ERC2: variants seen among roughly 807,000 people sequenced by gnomAD.
ERC2 encodes the protein ERC protein 2.
Under a neutral mutation model 114.8 loss-of-function variants are expected in ERC2, and 42 were observed. That is an observed-to-expected ratio of 0.37 (90% CI 0.29 to 0.47). The LOEUF (loss-of-function observed/expected upper bound fraction) is 0.47. Ranked by LOEUF, ERC2 falls within the 20% of genes least tolerant of loss-of-function variation. The pLI, the probability that ERC2 is intolerant of heterozygous loss-of-function variation, is 0.99. For synonymous variants in ERC2, 454 were observed against 425.5 expected, an observed-to-expected ratio of 1.07 and a Z score of -0.82; for missense variants, 939 against 1,150.7, an observed-to-expected ratio of 0.82 and a Z score of 2.66.
intron 2 of ERC2, among the ~76,000 whole-genome samples, chr3:56,381,762 AG>A (rs5849151): frequency 8.0e-5 from 12 of 150,092 alleles, no homozygotes; most frequent in South Asian, 4.4e-4. Flanking sequence ...AAAGAAAAAA[AG>A]GGGGGGGTGG....
chr3:56,255,683 G>C (rs996651047), intron 3 of ERC2, among the ~76,000 whole-genome samples: 1 of 152,106 alleles, frequency 6.6e-6, no homozygotes, highest in Non-Finnish European at 1.5e-5. Flanking sequence ...CTCTACTCAG[G>C]CACCCATCTG....
intron 7 of ERC2, among the ~76,000 whole-genome samples, chr3:56,041,661 T>G (rs1348250217): frequency 6.6e-6 from 1 of 152,132 alleles, no homozygotes; most frequent in Non-Finnish European, 1.5e-5. Flanking sequence ...CAATTCTTGC[T>G]GGCAATTCAG....
chr3:56,111,401 C>T (rs2078959366), intron 6 of ERC2, among the ~76,000 whole-genome samples: 1 of 151,760 alleles, frequency 6.6e-6, no homozygotes. Flanking sequence ...CTCCCTCTCT[C>T]TCTCTCAGTT....
intron 4 of ERC2, among the ~76,000 whole-genome samples, chr3:56,163,393 G>C (rs1255823652): frequency 6.6e-6 from 1 of 152,088 alleles, no homozygotes; most frequent in Non-Finnish European, 1.5e-5. Context: ...AATTGGTCAA[G>C]TGTTGTGTTT....
chr3:56,340,637 G>A (rs1222996290), intron 2 of ERC2, among the ~76,000 whole-genome samples: 1 of 151,508 alleles, frequency 6.6e-6, no homozygotes, highest in African/African-American at 2.4e-5. Flanking sequence ...CTTGGGGCAA[G>A]TTTTCTTTTA....
chr3:56,010,071 T>G (rs560098831), intron 9 of ERC2, among the ~76,000 whole-genome samples: 1 of 152,278 alleles, frequency 6.6e-6, no homozygotes, highest in Admixed American at 6.5e-5. Flanking sequence ...GAATAGTACA[T>G]AGCAGACACC....
intron 10 of ERC2, among the ~76,000 whole-genome samples, chr3:56,000,358 T>C (rs1374905748): frequency 1.3e-5 from 2 of 151,996 alleles, no homozygotes; most frequent in Non-Finnish European, 2.9e-5. Flanking sequence ...TAAAAATTGT[T>C]CTCTATATAC....
intron 2 of ERC2, among the ~76,000 whole-genome samples, chr3:56,409,648 G>A (rs2107088685): frequency 6.6e-6 from 1 of 152,152 alleles, no homozygotes. Flanking sequence ...AGTAGACAGG[G>A]AGAGAAAAAA....
intron 8 of ERC2, among the ~76,000 whole-genome samples, chr3:56,016,440 T>A (rs974240): frequency 0.35 from 52,591 of 148,972 alleles, 10,511 homozygotes; most frequent in African/African-American, 0.53. Flanking sequence ...TTTTTTTTTT[T>A]AATAACTTTT....
intron 3 of ERC2, among the ~76,000 whole-genome samples, chr3:56,204,303 A>G (rs1312307210): frequency 6.6e-6 from 1 of 152,088 alleles, no homozygotes; most frequent in Non-Finnish European, 1.5e-5. Context: ...ATCTCCCAAC[A>G]TGGTGCGTGG....
intron 17 of ERC2, among the ~76,000 whole-genome samples, chr3:55,517,701 C>T (rs1439638741): frequency 6.6e-6 from 1 of 152,190 alleles, no homozygotes; most frequent in Non-Finnish European, 1.5e-5. Context: ...ACTGGCAGAA[C>T]CAGGCACGAG....
At chr3:55,696,623 T>C (rs1002643423) in intron 16 of ERC2, among the ~76,000 whole-genome samples, 2 of 152,246 alleles carry the variant, frequency 1.3e-5, no homozygotes, top group African/African-American at 2.4e-5. Context: ...TTGTAATCAA[T>C]TGGGAAAGAT....
intron 2 of ERC2, among the ~76,000 whole-genome samples, chr3:56,324,980 C>T (rs994741737): frequency 3.3e-5 from 5 of 151,890 alleles, no homozygotes; most frequent in Non-Finnish European, 7.4e-5. Context: ...TTCTCCAGGG[C>T]AGTCTTCCTG....
intron 15 of ERC2, among the ~76,000 whole-genome samples, chr3:55,732,849 G>C (rs1048997567): frequency 6.6e-6 from 1 of 152,170 alleles, no homozygotes. Context: ...ATGATCTAAT[G>C]CTATCATCTA....
At chr3:55,835,857 T>A (rs888243484) in intron 14 of ERC2, among the ~76,000 whole-genome samples, 1 of 151,728 alleles carries the variant, frequency 6.6e-6, no homozygotes, top group Non-Finnish European at 1.5e-5. Flanking sequence ...GAAAACCCCA[T>A]TGTCTCAGCC....
chr3:55,510,871 G>A lies in ERC2; in HGVS notation c.*445C>T, dbSNP rs1458774125. 1 of 152,144 alleles carries A rather than the reference G, an allele frequency of 6.6e-6. No homozygotes were observed. The highest frequency in any genetic ancestry group is 1.5e-5 in the Non-Finnish European group (1 of 68,034). 9.4% of individuals were successfully genotyped at this position (152,144 alleles called of 1,614,324 possible). On this transcript the variant is annotated 3_prime_UTR_variant, in exon 18 of 18. Coordinates refer to ENST00000288221, the MANE Select transcript of ERC2 (RefSeq NM_015576.3). The stretch of plus-strand genomic sequence containing the variant: ...TGAACCAGCAGGATACTGGAGATGA[G>A]GCTAGTTGTCCAACAGAAGCTGAAT...
At chr3:55,789,342 A>G (rs2069790023) in intron 14 of ERC2, among the ~76,000 whole-genome samples, 1 of 152,234 alleles carries the variant, frequency 6.6e-6, no homozygotes, top group Admixed American at 6.5e-5. Context: ...GTGGCCAGAG[A>G]TGCTGAAAGC....
intron 16 of ERC2, among the ~76,000 whole-genome samples, chr3:55,698,154 C>T (rs185907671): frequency 4.6e-5 from 7 of 151,950 alleles, no homozygotes; most frequent in South Asian, 4.2e-4. Flanking sequence ...TACTTGGCTT[C>T]GGAAATCTAG....
Position 55,699,378 on chromosome 3 carries a change from C to G in ERC2, c.2847G>C (p.Gln949His), listed in dbSNP as rs1406000948. 6.2e-7 allele frequency: 1 copy of G among 1,613,422 alleles called. No individual in the cohort carries two copies. The highest frequency in any genetic ancestry group is 1.3e-5 in the African/African-American group (1 of 74,824). ...GGAGGTAAGCAGCGATGAAACTGAC[C>G]TGGTCCGGAGAGGGCCTGTGATTGG... is the stretch of plus-strand genomic sequence containing the variant. ...QHSNHRPSPDQDDEEGIWA is the reference protein window; with the variant it reads ...QHSNHRPSPDHDDEEGIWA The change falls in exon 16 of 18, where the codon CAG (glutamine) becomes CAC (histidine). Residue 949 changes from glutamine (Q) to histidine (H), a missense_variant and splice_region_variant. By Grantham distance (24) the Gln-to-His change is conservative. Transcript: ENST00000288221.
Sources: gnomAD v4.1 joint callset for allele counts (sites outside exome capture counted in the v4.1 genomes callset) on GRCh38, gnomAD v4.1.1 for gene constraint, MANE v1.5 for transcripts, NCBI Gene and HGNC (gene_info 2026-07-23, HGNC 2026-07-21) for gene names.